Variants in WDR25 observed in about 807,000 individuals in gnomAD.
The protein encoded by WDR25 is WD repeat domain 25, also known as WD repeat-containing protein 25.
A neutral mutation model predicts 47.7 loss-of-function variants in WDR25; 35 were observed. That is an observed-to-expected ratio of 0.73 (90% CI 0.56 to 0.97). WDR25 has a LOEUF of 0.97. Ranked by LOEUF, WDR25 falls within the 50% of genes least tolerant of loss-of-function variation. WDR25 has a pLI of 0.00. For synonymous variants in WDR25, 248 were observed against 278.9 expected (o/e 0.89, Z 1.10); for missense variants, 634 against 704.7 (o/e 0.90, Z 1.14).
intron 4 of WDR25, among the ~76,000 whole-genome samples, chr14:100,503,058 CGTGTGTGT>C (rs143534778): frequency 6.8e-6 from 1 of 146,752 alleles, no homozygotes; most frequent in Non-Finnish European, 1.5e-5. Flanking sequence ...TGTGTGTGTG[CGTGTGTGT>C]GTGTGTGTGT....
intron 2 of WDR25, among the ~76,000 whole-genome samples, chr14:100,399,015 T>C (rs1248839367): frequency 6.6e-6 from 1 of 151,882 alleles, no homozygotes; most frequent in African/African-American, 2.4e-5. Context: ...CACTCACTTA[T>C]AAAGTGCCAT....
At chr14:100,423,115 C>G (rs767944987) in intron 2 of WDR25, among the ~76,000 whole-genome samples, 1 of 152,186 alleles carries the variant, frequency 6.6e-6, no homozygotes, top group Non-Finnish European at 1.5e-5. Flanking sequence ...TGCCCTGAAG[C>G]TTGCTTTCTC....
chr14:100,426,986 C>T (rs1186317033), intron 2 of WDR25, among the ~76,000 whole-genome samples: 1 of 152,104 alleles, frequency 6.6e-6, no homozygotes, highest in Non-Finnish European at 1.5e-5. Flanking sequence ...GCTGATCACT[C>T]GGGGGCTTGC....
At chr14:100,437,800 G>C (rs1566909809) in intron 2 of WDR25, among the ~76,000 whole-genome samples, 1 of 152,152 alleles carries the variant, frequency 6.6e-6, no homozygotes, top group Non-Finnish European at 1.5e-5. Flanking sequence ...TAGTGAAGAA[G>C]AGAAGACAGG....
chr14:100,415,134 A>T (rs1897834203), intron 2 of WDR25, among the ~76,000 whole-genome samples: 1 of 152,104 alleles, frequency 6.6e-6, no homozygotes, highest in Non-Finnish European at 1.5e-5. Flanking sequence ...TGGGAGTCAA[A>T]GATGATTTCA....
chr14:100,441,401 G>A (rs1317214914), intron 2 of WDR25, among the ~76,000 whole-genome samples: 2 of 152,160 alleles, frequency 1.3e-5, no homozygotes, highest in Non-Finnish European at 1.5e-5. Context: ...AGGGAAGGCA[G>A]TGCAGGGGGT....
chr14:100,381,891 C>G (rs568932672), intron 2 of WDR25, 145 bp downstream of exon 2: 3 of 709,852 alleles, frequency 4.2e-6, no homozygotes, highest in Non-Finnish European at 6.9e-6. Context: ...CAGAAAGGGT[C>G]ATCTGTGGTC....
intron 2 of WDR25, among the ~76,000 whole-genome samples, chr14:100,391,888 C>T (rs1897153719): frequency 6.6e-6 from 1 of 152,150 alleles, no homozygotes; most frequent in African/African-American, 2.4e-5. Flanking sequence ...CCTGAGTGTA[C>T]ATGGAGTTTT....
chr14:100,432,635 C>G (rs1376118374), intron 2 of WDR25, among the ~76,000 whole-genome samples: 1 of 152,180 alleles, frequency 6.6e-6, no homozygotes, highest in Non-Finnish European at 1.5e-5. Context: ...TTTTTTGGTA[C>G]CATGTAAGAG....
At chr14:100,495,058 T>C (rs965065060) in intron 4 of WDR25, among the ~76,000 whole-genome samples, 1 of 152,370 alleles carries the variant, frequency 6.6e-6, no homozygotes, top group East Asian at 1.9e-4. Flanking sequence ...TGCTCTGTTA[T>C]ATTTTAAAGT....
At chr14:100,522,258 T>C (rs2029896667) in intron 4 of WDR25, among the ~76,000 whole-genome samples, 1 of 152,240 alleles carries the variant, frequency 6.6e-6, no homozygotes, top group Non-Finnish European at 1.5e-5. Context: ...TGTTTTTATA[T>C]AGTCCAGTTT....
intron 3 of WDR25, among the ~76,000 whole-genome samples, chr14:100,472,092 C>T (rs1408554923): frequency 6.6e-6 from 1 of 152,216 alleles, no homozygotes; most frequent in Non-Finnish European, 1.5e-5. Context: ...TTGCAGACTC[C>T]AGGCCCTGAG....
At chr14:100,431,494 A>C (rs1468691083) in intron 2 of WDR25, among the ~76,000 whole-genome samples, 2 of 152,082 alleles carry the variant, frequency 1.3e-5, no homozygotes, top group Non-Finnish European at 2.9e-5. Flanking sequence ...AGAATATGAC[A>C]GTTGGAGAGC....
chr14:100,494,770 C>T lies in WDR25; in HGVS notation c.1101+10646C>T, dbSNP rs558270399. Among the ~76,000 whole-genome samples, 14 of 152,334 alleles carry T rather than the reference C, an allele frequency of 9.2e-5. No individual in the cohort carries two copies. In the South Asian group the frequency reaches 2.5e-3, roughly 27 times the overall value. ...CGTTTCCCTTCTCCCATGTGGAAGG[C>T]GGGAGCCAGTGGCGGTTGGGTATTC... is the stretch of plus-strand genomic sequence containing the variant. On this transcript the variant is annotated intron_variant, in intron 4 of 6. Transcript: ENST00000402312.
chr14:100,403,091 C>A lies in WDR25; in HGVS notation c.822+21345C>A, dbSNP rs61476793. On this transcript the variant is annotated intron_variant, in intron 2 of 6. Coordinates refer to ENST00000402312, the MANE Select transcript of WDR25 (RefSeq NM_001161476.3). The stretch of plus-strand genomic sequence containing the variant: ...TTAAATTTTCTCTTATGGATAGTGT[C>A]CTATCCTTTCTACCAAGTAAGCTTC... Among the ~76,000 whole-genome samples the A allele has an allele frequency of 1.2e-3, 178 of 152,260 alleles. 1 individual carries two copies. The highest frequency in any genetic ancestry group is 4.1e-3 in the African/African-American group (170 of 41,546).
intron 1 of WDR25, 192 bp downstream of exon 1, chr14:100,376,687 C>T: frequency 2.4e-6 from 3 of 1,231,360 alleles, no homozygotes; most frequent in South Asian, 4.1e-5. Flanking sequence ...CCTATTCATC[C>T]TTCAAAACCC....
At chr14:100,503,060 T>C (rs1900990110) in intron 4 of WDR25, among the ~76,000 whole-genome samples, 2 of 148,800 alleles carry the variant, frequency 1.3e-5, no homozygotes, top group Non-Finnish European at 3.0e-5. Context: ...TGTGTGTGCG[T>C]GTGTGTGTGT....
intron 2 of WDR25, among the ~76,000 whole-genome samples, chr14:100,460,182 G>A (rs1254879294): frequency 7.4e-5 from 11 of 148,924 alleles, no homozygotes; most frequent in Non-Finnish European, 8.9e-5. Flanking sequence ...GCGCGATCTC[G>A]GCTTACTGCA....
chr14:100,476,667 C>G (rs116533507), intron 3 of WDR25: 18 of 152,270 alleles, frequency 1.2e-4, no homozygotes, highest in African/African-American at 4.1e-4. Flanking sequence ...GAGCGAGTCT[C>G]TCACCTCGCT....
Sources: allele counts gnomAD v4.1 joint callset (sites outside exome capture counted in the v4.1 genomes callset), GRCh38; gene constraint gnomAD v4.1.1; transcripts MANE v1.5; gene names NCBI Gene and HGNC (gene_info 2026-07-23, HGNC 2026-07-21).